MGA: variants seen among roughly 807,000 people sequenced by gnomAD.
The protein encoded by MGA is MAX dimerization protein MGA, also known as MAX gene-associated protein.
MGA carries 40 observed loss-of-function variants against 261.1 expected under a neutral mutation model. The observed-to-expected ratio is 0.15, with a 90% confidence interval of 0.12 to 0.20. The LOEUF is 0.20. Among genes scored for constraint, MGA ranks in the 10% least tolerant of loss-of-function variants. The probability of loss-of-function intolerance (pLI) is 1.00; values close to 1 mark genes in which losing one functional copy is unlikely to be tolerated. For synonymous variants in MGA, 1,302 were observed against 1,290.6 expected (o/e 1.01, Z -0.19); for missense variants, 3,397 against 3,630.5 (o/e 0.94, Z 1.65).
chr15:41,708,277 G>C, intron 7 of MGA, 69 bp downstream of exon 7: 1 of 1,136,836 alleles, frequency 8.8e-7, no homozygotes, highest in Non-Finnish European at 1.3e-6. Context: ...TTAAAAGTAA[G>C]TCTTGGTTGT....
At chr15:41,679,841 A>G (rs1395954996) in intron 2 of MGA, among the ~76,000 whole-genome samples, 1 of 152,014 alleles carries the variant, frequency 6.6e-6, no homozygotes, top group Non-Finnish European at 1.5e-5. Flanking sequence ...GACAATTTGA[A>G]TATGTTTTTT....
In MGA at chr15:41,766,655, A is replaced by T. The variant is rs557523757; in HGVS notation, c.8573A>T (p.Asp2858Val). 42 of 1,613,830 alleles carry T rather than the reference A, an allele frequency of 2.6e-5. No individual in the cohort carries two copies. Among genetic ancestry groups the T allele is most frequent in the Non-Finnish European group, 3.4e-5 (40 of 1,179,890 alleles). The change falls in exon 24 of 24, where the codon GAT becomes GTT. Residue 2858 changes from aspartate to valine, a missense_variant. Physicochemically the swap from Asp to Val is radical, Grantham distance 152. Around this residue, in one of 9 missense-constraint regions of MGA, gnomAD observed 647 missense variants for 642.4 expected, o/e 1.01. Coordinates refer to ENST00000219905, the MANE Select transcript of MGA (RefSeq NM_001164273.2). ...TCTATGGATACAGAGTTCCCAGGGG[A>T]TGCTCGGCGGGCTTTTATTAGTAAG...
Position 41,766,333 on chromosome 15 carries a change from A to C in MGA, c.8251A>C (p.Met2751Leu). ...CTTACCTAAAAAGATTTCTGGTGAT[A>C]TGAGAGGGATTCAGTATAAATGGAA... The change falls in exon 24 of 24, where the codon ATG (methionine) becomes CTG (leucine). Residue 2751 changes from methionine to leucine, a missense_variant. Met to Leu is a conservative substitution (Grantham distance 15, BLOSUM62 2). Transcript: ENST00000219905. 1.2e-6 allele frequency: 2 copies of C among 1,613,950 alleles called. No homozygotes were observed. The highest frequency in any genetic ancestry group is 1.7e-6 in the Non-Finnish European group (2 of 1,179,850).
intron 2 of MGA, among the ~76,000 whole-genome samples, chr15:41,671,135 T>C (rs1368577498): frequency 6.6e-6 from 1 of 152,174 alleles, no homozygotes; most frequent in Non-Finnish European, 1.5e-5. Context: ...GAAAGTTGCC[T>C]GTAATCATGA....
chr15:41,661,354 A>G (rs1439701721), intron 1 of MGA, among the ~76,000 whole-genome samples: 1 of 54,880 alleles, frequency 1.8e-5, no homozygotes, highest in African/African-American at 6.8e-5. Flanking sequence ...CGCCCCCCCA[A>G]AGCTCCAGTA....
chr15:41,650,602 C>G (rs1429706379), intron 1 of MGA, among the ~76,000 whole-genome samples: 1 of 151,916 alleles, frequency 6.6e-6, no homozygotes, highest in African/African-American at 2.4e-5. Context: ...CATGCCTGGC[C>G]AACTTTTGTA....
intron 15 of MGA, among the ~76,000 whole-genome samples, chr15:41,744,132 GAGTT>G (rs1319642114): frequency 1.3e-5 from 2 of 152,096 alleles, no homozygotes; most frequent in Non-Finnish European, 2.9e-5. Flanking sequence ...AACAGATTGG[GAGTT>G]AGTTTGTAAG....
chr15:41,756,168 C>T (rs915136220), intron 18 of MGA, among the ~76,000 whole-genome samples: 3 of 151,958 alleles, frequency 2.0e-5, no homozygotes, highest in Non-Finnish European at 2.9e-5. Flanking sequence ...GTTTGCCATA[C>T]GTATTAACTA....
intron 10 of MGA, among the ~76,000 whole-genome samples, chr15:41,727,776 T>TAAAAGC (rs1228637672): frequency 3.9e-5 from 6 of 152,134 alleles, no homozygotes; most frequent in African/African-American, 1.4e-4. Context: ...TAAAAGCTTT[T>TAAAAGC]AAAAGCAAAT....
chr15:41,750,871 C>T (rs1431566428), intron 17 of MGA: 3 of 306,080 alleles, frequency 9.8e-6, no homozygotes, highest in Admixed American at 4.5e-5. Context: ...GCTTGAGAGT[C>T]CCTACCGAGT....
At chr15:41,697,421 T>TA (rs1178718135) in intron 3 of MGA, among the ~76,000 whole-genome samples, 1 of 148,772 alleles carries the variant, frequency 6.7e-6, no homozygotes, top group Non-Finnish European at 1.5e-5. Context: ...TTCTTTTCTT[T>TA]TTTTTTTTTT....
chr15:41,630,127 A>G (rs993421440), intron 1 of MGA, among the ~76,000 whole-genome samples: 2 of 151,956 alleles, frequency 1.3e-5, no homozygotes, highest in Non-Finnish European at 2.9e-5. Flanking sequence ...TCTCCTCTTT[A>G]TCACACCTAC....
At chr15:41,632,783 GAAA>G (rs57577596) in intron 1 of MGA, among the ~76,000 whole-genome samples, 2 of 146,880 alleles carry the variant, frequency 1.4e-5, no homozygotes, top group East Asian at 4.0e-4. Flanking sequence ...AGGAGATAGG[GAAA>G]AAAAAAAAAG....
At chr15:41,722,608 G>GTA (rs1162770353) in intron 9 of MGA, among the ~76,000 whole-genome samples, 1 of 152,132 alleles carries the variant, frequency 6.6e-6, no homozygotes, top group Non-Finnish European at 1.5e-5. Flanking sequence ...TTACATGGAT[G>GTA]TATAGTTCTT....
chr15:41,627,844 CTGGTAATCAAGAAT>C lies in MGA; in HGVS notation c.-68+6550_-68+6563del, dbSNP rs1168434396. 3.3e-5 allele frequency among the ~76,000 whole-genome samples: 5 copies of C among 152,066 alleles called. No individual in the cohort carries two copies. The East Asian group carries it at 9.6e-4, about 29-fold the overall frequency. On this transcript the variant is annotated intron_variant, in intron 1 of 8. Coordinates refer to the MGA transcript ENST00000566718. ...AGGACTCTGTTTTAAGAAGAACATTCTGGTAATCAAGAATTGGATCTAAATTCAAAGGTAGGAAA... is the reference window on the plus strand; with the variant it reads ...AGGACTCTGTTTTAAGAAGAACATTCTGGATCTAAATTCAAAGGTAGGAAA...
At chr15:41,701,560 G>A (rs2059855862) in intron 5 of MGA, among the ~76,000 whole-genome samples, 1 of 152,126 alleles carries the variant, frequency 6.6e-6, no homozygotes, top group African/African-American at 2.4e-5. Flanking sequence ...GAATTTGGGG[G>A]GTAGAGTTGG....
chr15:41,733,804 TA>T (rs2061635829), intron 11 of MGA, among the ~76,000 whole-genome samples: 1 of 152,230 alleles, frequency 6.6e-6, no homozygotes, highest in Admixed American at 6.5e-5. Flanking sequence ...GAGGATTTGA[TA>T]AATTAAAAAG....
chr15:41,737,799 G>C (rs1184060274), intron 13 of MGA, among the ~76,000 whole-genome samples: 3 of 151,792 alleles, frequency 2.0e-5, no homozygotes, highest in South Asian at 2.1e-4. Flanking sequence ...GGCCGACATG[G>C]CAAAACCCCA....
In MGA at chr15:41,669,593, C is replaced by T. The variant is rs765224692; in HGVS notation, c.699C>T (p.Phe233=). ...CTTTTACCTTCCCACAGACTGAATTCTTTGCAGTAACAGCTTATCAGAACA... is the reference window on the plus strand; with the variant it reads ...CTTTTACCTTCCCACAGACTGAATTTTTTGCAGTAACAGCTTATCAGAACA... The change falls in exon 2 of 24, where the codon TTC becomes TTT. Residue 233 remains phenylalanine (F), a synonymous_variant. Coordinates refer to ENST00000219905, the MANE Select transcript of MGA (RefSeq NM_001164273.2). The T allele has an allele frequency of 6.2e-7, 1 of 1,613,984 alleles. No individual in the cohort carries two copies. The highest frequency in any genetic ancestry group is 8.5e-7 in the Non-Finnish European group (1 of 1,179,880).
Sources: allele counts gnomAD v4.1 joint callset (sites outside exome capture counted in the v4.1 genomes callset), GRCh38; gene constraint gnomAD v4.1.1; regional missense constraint gnomAD v4.1.1; transcripts MANE v1.5; gene names NCBI Gene and HGNC (gene_info 2026-07-23, HGNC 2026-07-21).